Variants in THSD4 observed in about 807,000 individuals in gnomAD.
THSD4 encodes the protein thrombospondin type 1 domain containing 4, also known as thrombospondin type-1 domain-containing protein 4.
THSD4 carries 69 observed loss-of-function variants against 119.0 expected under a neutral mutation model. The ratio of observed to expected loss-of-function variants is 0.58; its 90% CI spans 0.48 to 0.71. The LOEUF is 0.71. Among genes scored for constraint, THSD4 ranks in the 30% least tolerant of loss-of-function variants. THSD4 has a pLI of 0.00. For missense variants in THSD4, 1,393 were observed against 1,391.1 expected, an observed-to-expected ratio of 1.00 and a Z score of -0.02; for synonymous variants, 524 against 540.4, an observed-to-expected ratio of 0.97 and a Z score of 0.42.
rs114450695 is a variant in THSD4 at position 71,493,152 on chromosome 15, A to G, written c.1152+81329A>G. On this transcript the variant is annotated intron_variant, in intron 7 of 17. Coordinates refer to ENST00000261862, the MANE Select transcript of THSD4 (RefSeq NM_024817.3). ...GAAGACTTTAGTAAGGTTGGTATAAAAGCATGAATGCTAAGCCAGCTTGCC... is the reference window on the plus strand; with the variant it reads ...GAAGACTTTAGTAAGGTTGGTATAAGAGCATGAATGCTAAGCCAGCTTGCC... Among the ~76,000 whole-genome samples the G allele has an allele frequency of 5.1e-3, 778 of 152,298 alleles. 8 individuals are homozygous for G. Among genetic ancestry groups the G allele is most frequent in the South Asian group, 0.042 (205 of 4,824 alleles).
At chr15:71,202,727 ACT>A (rs1456176450) in intron 3 of THSD4, among the ~76,000 whole-genome samples, 2 of 150,450 alleles carry the variant, frequency 1.3e-5, no homozygotes, top group African/African-American at 2.5e-5. Flanking sequence ...TTGTTGGGGG[ACT>A]CTCTGGCGCT....
chr15:71,757,980 G>A lies in THSD4; in HGVS notation c.2494G>A (p.Glu832Lys). 1 of 1,614,128 alleles carries A rather than the reference G, an allele frequency of 6.2e-7. No individual in the cohort carries two copies. The change falls in exon 15 of 18, where the codon GAG becomes AAG. Residue 832 changes from glutamate (E) to lysine (K), a missense_variant. Glu to Lys is a moderately conservative substitution (Grantham distance 56, BLOSUM62 1). Transcript: ENST00000261862. ...MTNHVSSLPL[E>K]GCGNNRPAEA... is the part of the protein sequence containing the mutation. ...CAACCATGTCAGCAGCCTGCCCCTG[G>A]AGGGCTGTGGGAACAACCGGCCGGC...
At chr15:71,201,431 A>T (rs1026439496) in intron 3 of THSD4, among the ~76,000 whole-genome samples, 1 of 152,250 alleles carries the variant, frequency 6.6e-6, no homozygotes, top group African/African-American at 2.4e-5. Flanking sequence ...CAGGCCTCAG[A>T]CAGCTAGAAA....
chr15:71,328,854 G>C (rs989427285), intron 6 of THSD4, among the ~76,000 whole-genome samples: 2 of 152,160 alleles, frequency 1.3e-5, no homozygotes, highest in Non-Finnish European at 2.9e-5. Context: ...AGGCAATGTG[G>C]TATTGTGAAA....
chr15:71,332,106 C>T (rs1341546193), intron 6 of THSD4, among the ~76,000 whole-genome samples: 1 of 152,148 alleles, frequency 6.6e-6, no homozygotes, highest in East Asian at 1.9e-4. Context: ...TGCAGCCAAA[C>T]TCAGCTGTCA....
chr15:71,389,774 T>C (rs2046347074), intron 6 of THSD4, among the ~76,000 whole-genome samples: 1 of 149,390 alleles, frequency 6.7e-6, no homozygotes, highest in East Asian at 2.0e-4. Context: ...TTCCAATTTA[T>C]CCACATCCTT....
intron 4 of THSD4, among the ~76,000 whole-genome samples, chr15:71,235,583 C>CTTT (rs1555457033): frequency 2.4e-5 from 3 of 127,310 alleles, no homozygotes; most frequent in South Asian, 2.5e-4. Flanking sequence ...CCACCTCTCT[C>CTTT]TTTTTTTTTT....
At chr15:71,280,177 AC>A (rs2044635367) in intron 6 of THSD4, among the ~76,000 whole-genome samples, 1 of 152,210 alleles carries the variant, frequency 6.6e-6, no homozygotes, top group Admixed American at 6.5e-5. Flanking sequence ...GGCAGAAAAT[AC>A]AGGTGTTAGG....
At chr15:71,231,991 G>C (rs1482026433) in intron 4 of THSD4, among the ~76,000 whole-genome samples, 3 of 152,088 alleles carry the variant, frequency 2.0e-5, no homozygotes, top group Non-Finnish European at 4.4e-5. Flanking sequence ...AGTGGAACAG[G>C]GTGGGTTTTA....
intron 8 of THSD4, among the ~76,000 whole-genome samples, chr15:71,718,358 C>T (rs1394223703): frequency 1.3e-5 from 2 of 152,102 alleles, no homozygotes; most frequent in Admixed American, 6.5e-5. Flanking sequence ...CTTCCCTGCT[C>T]GTAGCAAGTG....
At chr15:71,167,547 T>G (rs941691778) in intron 3 of THSD4, among the ~76,000 whole-genome samples, 12 of 152,302 alleles carry the variant, frequency 7.9e-5, no homozygotes, top group African/African-American at 2.9e-4. Context: ...CAGAAGATTT[T>G]GGGTAAAAGT....
At chr15:71,449,467 C>A (rs553959894) in intron 7 of THSD4, among the ~76,000 whole-genome samples, 4 of 152,084 alleles carry the variant, frequency 2.6e-5, no homozygotes, top group African/African-American at 4.8e-5. Flanking sequence ...AACCTCTCTG[C>A]GCCTCAGAAA....
intron 4 of THSD4, among the ~76,000 whole-genome samples, chr15:71,223,749 A>G (rs543125122): frequency 1.2e-3 from 178 of 152,252 alleles, no homozygotes; most frequent in African/African-American, 3.6e-3. Flanking sequence ...TGAGTGTTCT[A>G]CCTGGGGGAT....
chr15:71,103,863 T>A (rs1182076819), intron 1 of THSD4, among the ~76,000 whole-genome samples: 1 of 152,154 alleles, frequency 6.6e-6, no homozygotes, highest in Non-Finnish European at 1.5e-5. Flanking sequence ...AGAGGACTTC[T>A]CTTGCAGCTC....
At chr15:71,603,522 G>A (rs2050052418) in intron 7 of THSD4, among the ~76,000 whole-genome samples, 1 of 152,196 alleles carries the variant, frequency 6.6e-6, no homozygotes, top group Non-Finnish European at 1.5e-5. Flanking sequence ...AGTTTTGAGT[G>A]GAAGGTTACT....
At chr15:71,715,811 T>C (rs562826431) in intron 8 of THSD4, among the ~76,000 whole-genome samples, 1 of 151,684 alleles carries the variant, frequency 6.6e-6, no homozygotes, top group Non-Finnish European at 1.5e-5. Flanking sequence ...GATAGGTCTA[T>C]TTAACACTGG....
At chr15:71,560,480 C>G (rs980778534) in intron 7 of THSD4, among the ~76,000 whole-genome samples, 1 of 152,158 alleles carries the variant, frequency 6.6e-6, no homozygotes, top group African/African-American at 2.4e-5. Context: ...ATATCACACT[C>G]TTTTGTGAGA....
intron 6 of THSD4, among the ~76,000 whole-genome samples, chr15:71,364,254 C>G (rs1048547120): frequency 1.3e-5 from 2 of 152,180 alleles, no homozygotes; most frequent in Non-Finnish European, 2.9e-5. Context: ...AGCCTGCTAC[C>G]CATCGTTCTT....
At chr15:71,555,442 C>T (rs902606614) in intron 7 of THSD4, among the ~76,000 whole-genome samples, 6 of 152,180 alleles carry the variant, frequency 3.9e-5, no homozygotes, top group South Asian at 2.1e-4. Flanking sequence ...ATATCATTCA[C>T]GTTTCCTCTT....
Sources: gnomAD v4.1 joint callset for allele counts (sites outside exome capture counted in the v4.1 genomes callset) on GRCh38, gnomAD v4.1.1 for gene constraint, MANE v1.5 for transcripts, NCBI Gene and HGNC (gene_info 2026-07-23, HGNC 2026-07-21) for gene names.